The following SPRED2 variants were observed in gnomAD, a reference collection of about 807,000 sequenced individuals.
The protein encoded by SPRED2 is sprouty related EVH1 domain containing 2.
A neutral mutation model predicts 43.0 loss-of-function variants in SPRED2; 47 were observed. That is an observed-to-expected ratio of 1.09 (90% CI 0.87 to 1.40). The LOEUF is 1.40. Ranked by LOEUF, SPRED2 falls within the 40% of genes most tolerant of loss-of-function variation. SPRED2 has a pLI of 0.00. For synonymous variants in SPRED2, 225 were observed against 225.7 expected (o/e 1.00, Z 0.03); for missense variants, 561 against 586.4 (o/e 0.96, Z 0.45).
chr2:65,401,937 G>GCGTGCGCACACACACA (rs776512353), intron 1 of SPRED2, among the ~76,000 whole-genome samples: 1 of 114,714 alleles, frequency 8.7e-6, no homozygotes, highest in Non-Finnish European at 1.9e-5. Flanking sequence ...GCGCGCGCGC[G>GCGTGCGCACACACACA]CACACACACA....
At chr2:65,431,926 AG>A in intron 1 of SPRED2, 35 bp downstream of exon 1, 1 of 1,598,772 alleles carries the variant, frequency 6.3e-7, no homozygotes. Flanking sequence ...GCTGCCCCTG[AG>A]GGGCACCCTC....
intron 1 of SPRED2, among the ~76,000 whole-genome samples, chr2:65,399,357 C>G (rs926474978): frequency 4.0e-5 from 6 of 150,236 alleles, no homozygotes; most frequent in Non-Finnish European, 8.9e-5. Context: ...TTTGCAGCAA[C>G]CTGGATAGAA....
chr2:65,310,383 AAG>A (rs1033462441), downstream of SPRED2, among the ~76,000 whole-genome samples: 18 of 151,706 alleles, frequency 1.2e-4, no homozygotes, highest in African/African-American at 4.3e-4. Flanking sequence ...AAGTGGGCCA[AAG>A]AGAGCTGCTC....
chr2:65,358,854 T>A (rs1454039660), intron 1 of SPRED2, among the ~76,000 whole-genome samples: 2 of 152,214 alleles, frequency 1.3e-5, no homozygotes, highest in African/African-American at 2.4e-5. Context: ...CTTTCCCCAC[T>A]GCCAGAAAGG....
intron 4 of SPRED2, among the ~76,000 whole-genome samples, chr2:65,322,296 T>TCTATATA (rs1558649902): frequency 1.9e-5 from 2 of 106,478 alleles, no homozygotes; most frequent in African/African-American, 9.0e-5. Flanking sequence ...ATATATATAT[T>TCTATATA]TTTTTTTTTT....
intron 2 of SPRED2, among the ~76,000 whole-genome samples, chr2:65,336,489 T>C (rs1222379010): frequency 6.6e-6 from 1 of 152,230 alleles, no homozygotes; most frequent in Non-Finnish European, 1.5e-5. Flanking sequence ...CTTTATTACA[T>C]TGTATTGAGA....
chr2:65,387,868 C>T (rs972460720), intron 1 of SPRED2, among the ~76,000 whole-genome samples: 3 of 151,654 alleles, frequency 2.0e-5, no homozygotes, highest in Admixed American at 6.6e-5. Context: ...TCTCAGTTCA[C>T]TGCATTCTCC....
In SPRED2 at chr2:65,383,843, A is replaced by G. The variant is rs531230603; in HGVS notation, c.27-38947T>C. Among the ~76,000 whole-genome samples the G allele has an allele frequency of 1.7e-4, 26 of 152,380 alleles. 1 individual carries two copies. The South Asian group carries it at 5.2e-3, about 30-fold the overall frequency. ...CAAACTCAGAGGAAATAGGCAAGTT[A>G]TAAAAACAGGAAGAACGGGAAGTTT... On this transcript the variant is annotated intron_variant, in intron 1 of 5. Coordinates refer to ENST00000356388, the MANE Select transcript of SPRED2 (RefSeq NM_181784.3).
chr2:65,331,839 A>C (rs1271827022), intron 4 of SPRED2, 148 bp downstream of exon 4: 1 of 578,352 alleles, frequency 1.7e-6, no homozygotes, highest in African/African-American at 1.9e-5. Context: ...AGCCTGAGAA[A>C]AATTGTAGTA....
At chr2:65,427,048 G>T (rs979060854) in intron 1 of SPRED2, among the ~76,000 whole-genome samples, 7 of 151,718 alleles carry the variant, frequency 4.6e-5, no homozygotes, top group African/African-American at 9.7e-5. Context: ...GTCTTTTCAG[G>T]TTTTTTTTGT....
intron 4 of SPRED2, among the ~76,000 whole-genome samples, chr2:65,331,237 G>A (rs375701536): frequency 3.8e-4 from 58 of 152,222 alleles, no homozygotes; most frequent in African/African-American, 1.3e-3. Flanking sequence ...GCAATACAGC[G>A]AAACCCCATC....
intron 1 of SPRED2, among the ~76,000 whole-genome samples, chr2:65,421,155 T>C (rs904529476): frequency 2.0e-5 from 3 of 151,888 alleles, no homozygotes; most frequent in African/African-American, 7.3e-5. Context: ...CTTTCAGCCA[T>C]AAAAAAAGAA....
chr2:65,329,890 G>T (rs554011968), intron 4 of SPRED2, among the ~76,000 whole-genome samples: 14 of 152,304 alleles, frequency 9.2e-5, no homozygotes, highest in African/African-American at 3.4e-4. Context: ...GGACAACTGA[G>T]TTCATTTCCT....
intron 2 of SPRED2, among the ~76,000 whole-genome samples, chr2:65,337,238 T>C (rs930854780): frequency 2.0e-5 from 3 of 152,040 alleles, no homozygotes; most frequent in African/African-American, 7.2e-5. Flanking sequence ...AAGACAAAAA[T>C]GAAAAGGTTT....
chr2:65,395,347 A>G (rs1301139324), intron 1 of SPRED2, among the ~76,000 whole-genome samples: 1 of 152,148 alleles, frequency 6.6e-6, no homozygotes, highest in African/African-American at 2.4e-5. Context: ...GTGGGGTTGA[A>G]AAAGAAGAGG....
chr2:65,401,926 A>AGCGCGCGC lies in SPRED2; in HGVS notation c.26+30028_26+30035dup, dbSNP rs143714447. ...TAAATTGTAAAACGATCAGAATATT[A>AGCGCGCGC]GCGCGCGCGCGCACACACACACACA... On this transcript the variant is annotated intron_variant, in intron 1 of 5. Coordinates refer to ENST00000356388, the MANE Select transcript of SPRED2 (RefSeq NM_181784.3). Among the ~76,000 whole-genome samples the AGCGCGCGC allele has an allele frequency of 2.0e-3, 243 of 121,932 alleles. 4 individuals are homozygous for AGCGCGCGC. Among genetic ancestry groups the AGCGCGCGC allele is most frequent in the African/African-American group, 7.7e-3 (196 of 25,344 alleles). The allele number at this position is 121,932 out of a possible 152,430, so 80.0% of individuals were successfully genotyped here. A position where few individuals can be genotyped will look rare whatever the true frequency, so the allele number is the denominator to read the frequency against.
rs369264514 is a variant in SPRED2, at chr2:65,328,552, C to T, written c.438+3435G>A. Among the ~76,000 whole-genome samples, 9 of 152,270 alleles carry T rather than the reference C, an allele frequency of 5.9e-5. No homozygotes were observed. In the South Asian group the frequency reaches 8.3e-4, roughly 14 times the overall value. ...TAGCTGTGAGGACCAAATGCAGTCA[C>T]GTATCCAGGAGTCCAGTGCAAAATG... On this transcript the variant is annotated intron_variant, in intron 4 of 5. Coordinates refer to ENST00000356388, the MANE Select transcript of SPRED2 (RefSeq NM_181784.3).
chr2:65,427,027 A>C (rs1361290877), intron 1 of SPRED2, among the ~76,000 whole-genome samples: 1 of 152,104 alleles, frequency 6.6e-6, no homozygotes, highest in African/African-American at 2.4e-5. Context: ...CTAGCTTACA[A>C]GCTCCTTAAG....
chr2:65,313,199 A>G lies in SPRED2; in HGVS notation c.*302T>C. ...GAAACAGGAAATCAACACATGGATG[A>G]GACAGTTAGCTTGGTTACAGATTGT... On this transcript the variant is annotated 3_prime_UTR_variant, in exon 6 of 6. Transcript: ENST00000356388. 9.0e-7 allele frequency: 1 copy of G among 1,106,056 alleles called. No individual in the cohort carries two copies. The highest frequency in any genetic ancestry group is 4.3e-5 in the South Asian group (1 of 23,070). 68.5% of individuals were successfully genotyped at this position (1,106,056 alleles called of 1,614,324 possible). A position where few individuals can be genotyped will look rare whatever the true frequency, so the allele number is the denominator to read the frequency against.
Sources: gnomAD v4.1 joint callset for allele counts (sites outside exome capture counted in the v4.1 genomes callset) on GRCh38, gnomAD v4.1.1 for gene constraint, MANE v1.5 for transcripts, NCBI Gene and HGNC (gene_info 2026-07-23, HGNC 2026-07-21) for gene names.